PLCB1: variants seen among roughly 807,000 people sequenced by gnomAD.
The protein encoded by PLCB1 is phospholipase C beta 1, also known as 1-phosphatidylinositol 4,5-bisphosphate phosphodiesterase beta-1.
A neutral mutation model predicts 161.8 loss-of-function variants in PLCB1; 46 were observed. That is an observed-to-expected ratio of 0.28 (90% CI 0.22 to 0.36). PLCB1 has a LOEUF of 0.36. PLCB1 is among the 10% of genes least tolerant of loss of function. The pLI is 1.00. For missense variants in PLCB1, 1,016 were observed against 1,472.5 expected, an observed-to-expected ratio of 0.69 and a Z score of 5.07; for synonymous variants, 517 against 503.7, an observed-to-expected ratio of 1.03 and a Z score of -0.35.
At chr20:8,449,615 T>G (rs2122642345) in intron 3 of PLCB1, among the ~76,000 whole-genome samples, 1 of 152,276 alleles carries the variant, frequency 6.6e-6, no homozygotes, top group Middle Eastern at 3.4e-3. Flanking sequence ...GGAGAACACT[T>G]CCGGGGCACA....
chr20:8,546,313 CAAAAAAAAAAA>C (rs369485988), intron 3 of PLCB1, among the ~76,000 whole-genome samples: 4 of 102,936 alleles, frequency 3.9e-5, no homozygotes, highest in Non-Finnish European at 3.8e-5. Context: ...GACTCTATCT[CAAAAAAAAAAA>C]AAAAAAAAAA....
In PLCB1 at chr20:8,812,734, G is replaced by A. The variant is rs532387747; in HGVS notation, c.3423+22473G>A. On this transcript the variant is annotated intron_variant, in intron 31 of 31. Coordinates refer to ENST00000338037, the MANE Select transcript of PLCB1 (RefSeq NM_015192.4). ...CCACCATTTGGGAGAGCTGAAAATG[G>A]GAAGGACAACTTTACAAGCTTCAAC... Among the ~76,000 whole-genome samples, 47 of 152,276 alleles carry A rather than the reference G, an allele frequency of 3.1e-4. 1 individual carries two copies. The highest frequency in any genetic ancestry group is 1.1e-3 in the African/African-American group (46 of 41,546).
intron 3 of PLCB1, among the ~76,000 whole-genome samples, chr20:8,455,906 A>G (rs1450678007): frequency 6.6e-6 from 1 of 152,198 alleles, no homozygotes; most frequent in East Asian, 1.9e-4. Context: ...ATCTGTGTTC[A>G]AGGACGGTAA....
chr20:8,488,125 TATG>T (rs1217923458), intron 3 of PLCB1, among the ~76,000 whole-genome samples: 1 of 152,238 alleles, frequency 6.6e-6, no homozygotes, highest in African/African-American at 2.4e-5. Context: ...GATATGTTGT[TATG>T]ATGAAGAAAC....
Position 8,168,892 on chromosome 20 carries a change from G to A in PLCB1, c.177+18521G>A, listed in dbSNP as rs371863530. Reference sequence around the variant, plus strand: ...ATGATGGGAAATGTTCTTCAGTAGAGAGGTAGAAATCATTTCAGACCGCTT... The same window carrying A: ...ATGATGGGAAATGTTCTTCAGTAGAAAGGTAGAAATCATTTCAGACCGCTT... On this transcript the variant is annotated intron_variant, in intron 2 of 31. Transcript: ENST00000338037. 3.9e-5 allele frequency among the ~76,000 whole-genome samples: 6 copies of A among 152,220 alleles called. No individual in the cohort carries two copies. The South Asian group carries it at 8.3e-4, about 21-fold the overall frequency.
intron 18 of PLCB1, chr20:8,729,418 A>G (rs1980113278): frequency 3.4e-6 from 1 of 291,204 alleles, no homozygotes; most frequent in Non-Finnish European, 6.3e-6. Context: ...TCAAACAAAA[A>G]TTTTTATGCT....
intron 3 of PLCB1, among the ~76,000 whole-genome samples, chr20:8,396,754 G>C (rs186396868): frequency 6.6e-6 from 1 of 151,966 alleles, no homozygotes; most frequent in East Asian, 1.9e-4. Context: ...ATCAAACTGT[G>C]TTCATCTATA....
intron 31 of PLCB1, among the ~76,000 whole-genome samples, chr20:8,875,088 C>T (rs1396421540): frequency 6.6e-6 from 1 of 151,612 alleles, no homozygotes; most frequent in Non-Finnish European, 1.5e-5. Context: ...CTGCTTTCAT[C>T]TATATTTCAA....
At chr20:8,769,025 T>G (rs1326323812) in intron 26 of PLCB1, among the ~76,000 whole-genome samples, 2 of 152,210 alleles carry the variant, frequency 1.3e-5, no homozygotes, top group Non-Finnish European at 2.9e-5. Flanking sequence ...ATCAACAGCA[T>G]TAATTTTTAC....
intron 25 of PLCB1, among the ~76,000 whole-genome samples, chr20:8,763,658 T>C (rs1227694249): frequency 6.6e-6 from 1 of 152,066 alleles, no homozygotes; most frequent in Non-Finnish European, 1.5e-5. Flanking sequence ...AGTGCTGGAC[T>C]TACAGGCATG....
At chr20:8,816,049 G>C (rs1985072243) in intron 31 of PLCB1, among the ~76,000 whole-genome samples, 2 of 152,220 alleles carry the variant, frequency 1.3e-5, no homozygotes, top group Admixed American at 1.3e-4. Context: ...CAGTGGCAAA[G>C]AATATGAAAG....
At chr20:8,443,163 G>T (rs1165047290) in intron 3 of PLCB1, among the ~76,000 whole-genome samples, 1 of 152,006 alleles carries the variant, frequency 6.6e-6, no homozygotes, top group Admixed American at 6.6e-5. Context: ...TGTATTTTTA[G>T]TAGAGATGGG....
At chr20:8,179,846 CTTTTTTTTTTTTTT>C (rs35174594) in intron 2 of PLCB1, among the ~76,000 whole-genome samples, 32 of 71,404 alleles carry the variant, frequency 4.5e-4, no homozygotes, top group African/African-American at 7.1e-4. Flanking sequence ...TTGTTGAGGG[CTTTTTTTTTTTTTT>C]TTTTTTTTTT....
chr20:8,708,622 A>G (rs373447047), intron 11 of PLCB1, 48 bp from the exon 12 acceptor site: 10 of 1,117,584 alleles, frequency 8.9e-6, no homozygotes, highest in Non-Finnish European at 1.4e-5. Flanking sequence ...AAGAATATAC[A>G]GATGAAAAAT....
chr20:8,200,056 T>A (rs2052076520), intron 2 of PLCB1, among the ~76,000 whole-genome samples: 1 of 152,094 alleles, frequency 6.6e-6, no homozygotes, highest in African/African-American at 2.4e-5. Context: ...GTTAAAAAAA[T>A]ATTTATTTAT....
intron 23 of PLCB1, among the ~76,000 whole-genome samples, chr20:8,752,718 A>G (rs1981544414): frequency 1.3e-5 from 2 of 151,422 alleles, no homozygotes; most frequent in African/African-American, 4.9e-5. Context: ...GCTTGAACCC[A>G]GGAGGTGGAG....
chr20:8,231,240 G>A (rs891885713), intron 2 of PLCB1, among the ~76,000 whole-genome samples: 1 of 152,142 alleles, frequency 6.6e-6, no homozygotes, highest in African/African-American at 2.4e-5. Context: ...CTCAGCCTCA[G>A]CACTATTGAC....
At chr20:8,825,758 G>A (rs1348737017) in intron 31 of PLCB1, among the ~76,000 whole-genome samples, 1 of 152,182 alleles carries the variant, frequency 6.6e-6, no homozygotes, top group Non-Finnish European at 1.5e-5. Context: ...GGTAGAAGGG[G>A]CAAGCGGGTT....
At position 8,765,146 on chromosome 20, in the gene PLCB1, A is replaced by G. The variant is rs1386600434; in HGVS notation, c.2718A>G (p.Glu906=). ...CATATTCATTTGTTGCAGAAGTGGAAGCACAGACCATCGAAGAACTAAAGC... is the reference window on the plus strand; with the variant it reads ...CATATTCATTTGTTGCAGAAGTGGAGGCACAGACCATCGAAGAACTAAAGC... The part of the protein sequence containing the change: ...DLIQSVLTEV[E]AQTIEELKQQ... Residue 906 remains glutamate (E), a synonymous_variant, in exon 26 of 32, where the codon GAA becomes GAG. Coordinates refer to ENST00000338037, the MANE Select transcript of PLCB1 (RefSeq NM_015192.4). 3.1e-6 allele frequency: 5 copies of G among 1,612,504 alleles called. No homozygotes were observed. The highest frequency in any genetic ancestry group is 4.2e-6 in the Non-Finnish European group (5 of 1,179,512).
Sources: gnomAD v4.1 joint callset for allele counts (sites outside exome capture counted in the v4.1 genomes callset) on GRCh38, gnomAD v4.1.1 for gene constraint, MANE v1.5 for transcripts, NCBI Gene and HGNC (gene_info 2026-07-23, HGNC 2026-07-21) for gene names.